The following SERAC1 variants were observed in gnomAD, a reference collection of about 807,000 sequenced individuals.
The protein encoded by SERAC1 is protein SERAC1.
Under a neutral mutation model 85.7 loss-of-function variants are expected in SERAC1, and 36 were observed. That is an observed-to-expected ratio of 0.42 (90% CI 0.32 to 0.55). The LOEUF is 0.55. Among genes scored for constraint, SERAC1 ranks in the 20% least tolerant of loss-of-function variants. The pLI is 0.11. For missense variants in SERAC1, 629 were observed against 796.2 expected (o/e 0.79, Z 2.53); for synonymous variants, 242 against 265.3 (o/e 0.91, Z 0.85).
chr6:158,111,273 A>G lies in SERAC1; in HGVS notation c.*93T>C, dbSNP rs920180428. On this transcript the variant is annotated 3_prime_UTR_variant, in exon 17 of 17. Coordinates refer to ENST00000647468, the MANE Select transcript of SERAC1 (RefSeq NM_032861.4). The stretch of plus-strand genomic sequence containing the variant: ...AGACCATGTTGACGCTATGATCACT[A>G]TGTTTGCATGATTGCATAGAGCTTA... 38 of 1,170,178 alleles carry G rather than the reference A, an allele frequency of 3.2e-5. No individual in the cohort carries two copies. The highest frequency in any genetic ancestry group is 4.4e-5 in the Non-Finnish European group (37 of 837,610). 72.5% of individuals were successfully genotyped at this position (1,170,178 alleles called of 1,614,324 possible). A position where few individuals can be genotyped will look rare whatever the true frequency, so the allele number is the denominator to read the frequency against.
At chr6:158,167,376 A>G (rs75740088) in intron 1 of SERAC1, among the ~76,000 whole-genome samples, 2,487 of 151,982 alleles carry the variant, frequency 0.016, 66 homozygotes, top group African/African-American at 0.057. Context: ...CGTGTCTACT[A>G]AAAATACGAA....
intron 10 of SERAC1, among the ~76,000 whole-genome samples, chr6:158,122,466 T>G (rs147993355): frequency 6.6e-6 from 1 of 152,250 alleles, no homozygotes; most frequent in East Asian, 1.9e-4. Flanking sequence ...TTGAAAAATA[T>G]AGTCATATAT....
At chr6:158,149,571 T>G (rs1785156661) in intron 4 of SERAC1, among the ~76,000 whole-genome samples, 1 of 152,160 alleles carries the variant, frequency 6.6e-6, no homozygotes, top group Non-Finnish European at 1.5e-5. Flanking sequence ...CAGGAAAATG[T>G]CCCTCATGAT....
rs767035251 is a variant in SERAC1, at chr6:158,113,455, A to T, written c.1822T>A (p.Ser608Thr). 2.9e-5 allele frequency: 46 copies of T among 1,611,594 alleles called. No homozygotes were observed. The highest frequency in any genetic ancestry group is 3.4e-5 in the Non-Finnish European group (40 of 1,178,298). ...MIKLHVVPVESADLGIGDLIP... is the reference protein window; with the variant it reads ...MIKLHVVPVETADLGIGDLIP... ...GTTTCAAAAGAGTGAATACCTGCTG[A>T]TTCCACAGGTACCACATGGAGCTTA... The change falls in exon 16 of 17, where the codon TCA becomes ACA. Residue 608 changes from serine (S) to threonine (T), a missense_variant. Transcript: ENST00000647468.
chr6:158,148,089 T>A (rs6904260), intron 5 of SERAC1, among the ~76,000 whole-genome samples: 5,270 of 152,124 alleles, frequency 0.035, 295 homozygotes, highest in African/African-American at 0.12. Flanking sequence ...TTCAAAAAAA[T>A]ATATTTAAAG....
rs199778655 is a variant in SERAC1, at chr6:158,117,411, A to G, written c.1403+316T>C. On this transcript the variant is annotated intron_variant, in intron 13 of 16. Transcript: ENST00000647468. The surrounding 1 kb of genome is among the most constrained non-coding windows in gnomAD (Gnocchi z 4.3). ...TTTAGCCAGTATGATTGTGGACACAAGAACAAAAAAACATCACTTTTACTT... is the reference window on the plus strand; with the variant it reads ...TTTAGCCAGTATGATTGTGGACACAGGAACAAAAAAACATCACTTTTACTT... The G allele has an allele frequency of 1.2e-6, 1 of 809,512 alleles. No homozygotes were observed. The highest frequency in any genetic ancestry group is 1.7e-5 in the African/African-American group (1 of 58,396). 50.1% of individuals were successfully genotyped at this position (809,512 alleles called of 1,614,324 possible). A position where few individuals can be genotyped will look rare whatever the true frequency, so the allele number is the denominator to read the frequency against.
intron 5 of SERAC1, among the ~76,000 whole-genome samples, chr6:158,148,038 C>G (rs1346924132): frequency 6.6e-6 from 1 of 152,114 alleles, no homozygotes; most frequent in Admixed American, 6.6e-5. Flanking sequence ...CCCAAATCAT[C>G]TAAAATTCAG....
chr6:158,167,097 A>AT (rs1013291695), intron 1 of SERAC1, among the ~76,000 whole-genome samples: 7 of 151,980 alleles, frequency 4.6e-5, no homozygotes, highest in Non-Finnish European at 1.0e-4. Flanking sequence ...CTTGGAGGCA[A>AT]TTTTTTTATT....
chr6:158,160,664 T>G (rs1785467038), intron 1 of SERAC1, among the ~76,000 whole-genome samples: 3 of 152,198 alleles, frequency 2.0e-5, no homozygotes, highest in African/African-American at 7.2e-5. Flanking sequence ...AGATCAGGAT[T>G]TTTTTATTAC....
intron 13 of SERAC1, 80 bp from the exon 14 acceptor site, chr6:158,116,362 C>CTT (rs758564738): frequency 1.1e-4 from 119 of 1,074,836 alleles, no homozygotes; most frequent in Non-Finnish European, 1.6e-4. Context: ...GAGTTAAGAA[C>CTT]TTTAGTCTAC....
intron 14 of SERAC1, among the ~76,000 whole-genome samples, chr6:158,115,592 G>C (rs1784267367): frequency 6.6e-6 from 1 of 152,172 alleles, no homozygotes; most frequent in African/African-American, 2.4e-5. Flanking sequence ...AGATAAACTA[G>C]GCCACGGGCT....
intron 4 of SERAC1, 64 bp downstream of exon 4, chr6:158,150,389 C>T (rs531703374): frequency 1.2e-5 from 15 of 1,290,340 alleles, no homozygotes; most frequent in East Asian, 4.6e-5. Flanking sequence ...TTTAAATAGA[C>T]GCATTTTTAA....
chr6:158,121,020 T>C (rs1431722404), intron 10 of SERAC1, among the ~76,000 whole-genome samples: 1 of 152,150 alleles, frequency 6.6e-6, no homozygotes, highest in African/African-American at 2.4e-5. Flanking sequence ...TTCTTAACAA[T>C]GAATTTGAGA....
At chr6:158,131,252 G>A (rs963946925) in intron 8 of SERAC1, among the ~76,000 whole-genome samples, 1 of 148,168 alleles carries the variant, frequency 6.7e-6, no homozygotes, top group African/African-American at 2.5e-5. Flanking sequence ...AAGTTGTTAG[G>A]AAAATAAATA....
intron 3 of SERAC1, among the ~76,000 whole-genome samples, chr6:158,152,434 T>G (rs1012373871): frequency 2.6e-5 from 4 of 151,940 alleles, no homozygotes; most frequent in Non-Finnish European, 5.9e-5. Flanking sequence ...GAGAATTGCT[T>G]GAACCGAGGA....
At position 158,153,887 on chromosome 6, in the gene SERAC1, T is replaced by C. The variant is rs139703757; in HGVS notation, c.128+1428A>G. 9.6e-3 allele frequency among the ~76,000 whole-genome samples: 1,465 copies of C among 152,070 alleles called. 24 individuals are homozygous for C. Among genetic ancestry groups the C allele is most frequent in the African/African-American group, 0.033 (1,365 of 41,476 alleles). On this transcript the variant is annotated intron_variant, in intron 3 of 16. Transcript: ENST00000647468. ...GGCTCAGGCCTGTAATCCCAGCACT[T>C]TGGAAGGCCAAGACGGGCAGATCAC... is the stretch of plus-strand genomic sequence containing the variant.
chr6:158,132,332 T>A (rs1784696948), intron 8 of SERAC1, among the ~76,000 whole-genome samples: 1 of 152,322 alleles, frequency 6.6e-6, no homozygotes, highest in South Asian at 2.1e-4. Flanking sequence ...CTTCTTCTCG[T>A]ATATAATATT....
intron 10 of SERAC1, among the ~76,000 whole-genome samples, chr6:158,125,491 T>C (rs2128414130): frequency 6.6e-6 from 1 of 152,220 alleles, no homozygotes; most frequent in African/African-American, 2.4e-5. Flanking sequence ...AATAAATCTG[T>C]TATTTATAAA....
chr6:158,165,954 GAGAT>G (rs1267626265), intron 1 of SERAC1, among the ~76,000 whole-genome samples: 3 of 152,140 alleles, frequency 2.0e-5, no homozygotes, highest in Non-Finnish European at 2.9e-5. Context: ...AAAAGTTCTG[GAGAT>G]AGATAGTAGT....
Sources: allele counts gnomAD v4.1 joint callset (sites outside exome capture counted in the v4.1 genomes callset), GRCh38; gene constraint gnomAD v4.1.1; non-coding constraint Gnocchi (gnomAD v3.1); transcripts MANE v1.5; gene names NCBI Gene and HGNC (gene_info 2026-07-23, HGNC 2026-07-21).